TUSC3: variants seen among roughly 807,000 people sequenced by gnomAD.
TUSC3 encodes tumor suppressor candidate 3, also known as dolichyl-diphosphooligosaccharide--protein glycosyltransferase subunit TUSC3.
In TUSC3, 45 loss-of-function variants were observed where a neutral mutation model predicts 44.8. The observed-to-expected ratio is 1.00, with a 90% CI of 0.79 to 1.29. The LOEUF (loss-of-function observed/expected upper bound fraction) is 1.29. TUSC3 is among the 50% of genes most tolerant of loss of function. The pLI is 0.00. For missense variants in TUSC3, 519 were observed against 437.9 expected (o/e 1.19, Z -1.65); for synonymous variants, 212 against 152.9 (o/e 1.39, Z -2.85).
At chr8:15,813,328 C>T in the TUSC3 span, among the ~76,000 whole-genome samples, 1 of 151,556 alleles carries the variant, frequency 6.6e-6, no homozygotes, top group African/African-American at 2.4e-5. Context: ...CTCAAGGCAG[C>T]TGAGTCCTCT....
chr8:15,486,473 C>G (rs1031166540), intron 2 of TUSC3, among the ~76,000 whole-genome samples: 4 of 152,086 alleles, frequency 2.6e-5, no homozygotes, highest in African/African-American at 9.7e-5. Context: ...TCCATGGAGT[C>G]TTGCCCTTTT....
At chr8:15,736,135 G>A (rs1810928924) in intron 7 of TUSC3, among the ~76,000 whole-genome samples, 1 of 152,104 alleles carries the variant, frequency 6.6e-6, no homozygotes, top group African/African-American at 2.4e-5. Flanking sequence ...ACACATACAC[G>A]CAGGTGCATG....
At chr8:15,767,104 C>G (rs1812353919), downstream of TUSC3, among the ~76,000 whole-genome samples, 1 of 152,074 alleles carries the variant, frequency 6.6e-6, no homozygotes, top group Admixed American at 6.6e-5. Context: ...AAAGGATGAG[C>G]ATTGTAGCTA....
At chr8:15,796,191 T>C in the TUSC3 span, among the ~76,000 whole-genome samples, 1 of 152,158 alleles carries the variant, frequency 6.6e-6, no homozygotes, top group Non-Finnish European at 1.5e-5. Context: ...CAATGATGGA[T>C]TCAGGCAGCC....
intron 1 of TUSC3, among the ~76,000 whole-genome samples, chr8:15,470,373 G>A (rs559942887): frequency 9.1e-4 from 139 of 152,162 alleles, no homozygotes; most frequent in African/African-American, 3.2e-3. Context: ...AATAGTGGAT[G>A]CCTTCCTTAT....
chr8:15,708,193 A>C (rs1809699543), intron 6 of TUSC3, among the ~76,000 whole-genome samples: 1 of 151,962 alleles, frequency 6.6e-6, no homozygotes, highest in Admixed American at 6.6e-5. Flanking sequence ...AGTAAAGAAA[A>C]TACCCAAAGG....
chr8:15,783,417 G>C, the TUSC3 span, among the ~76,000 whole-genome samples: 1 of 152,068 alleles, frequency 6.6e-6, no homozygotes, highest in Admixed American at 6.6e-5. Flanking sequence ...AATAGCTGAA[G>C]CAATCATGAG....
the TUSC3 span, among the ~76,000 whole-genome samples, chr8:15,801,692 G>C: frequency 1.3e-5 from 2 of 152,138 alleles, no homozygotes; most frequent in Non-Finnish European, 2.9e-5. Flanking sequence ...GAGCTGTATG[G>C]GGCTGGGTGT....
chr8:15,769,182 C>A (rs370017979), downstream of TUSC3, among the ~76,000 whole-genome samples: 1 of 152,104 alleles, frequency 6.6e-6, no homozygotes, highest in African/African-American at 2.4e-5. Context: ...AACTATACTA[C>A]AAAGCTACAG....
At chr8:15,461,158 G>C (rs1291845272) in intron 1 of TUSC3, among the ~76,000 whole-genome samples, 1 of 152,162 alleles carries the variant, frequency 6.6e-6, no homozygotes, top group African/African-American at 2.4e-5. Context: ...ACCCATCCGT[G>C]AGCATGGGAT....
the TUSC3 span, among the ~76,000 whole-genome samples, chr8:15,815,873 T>G: frequency 6.6e-6 from 1 of 152,142 alleles, no homozygotes; most frequent in Non-Finnish European, 1.5e-5. Context: ...CAGGGAAAAT[T>G]CCAGAATAAA....
chr8:15,624,108 G>A lies in TUSC3; in HGVS notation c.308+859G>A, dbSNP rs1317053502. On this transcript the variant is annotated intron_variant, in intron 2 of 10. Coordinates refer to ENST00000503731, the MANE Select transcript of TUSC3 (RefSeq NM_006765.4). ...TGGGTTTGGCTTTTAAAAATCAGCC[G>A]TAATTCCCTAAAAAAATACGTCCAA... 3.3e-5 allele frequency among the ~76,000 whole-genome samples: 5 copies of A among 152,014 alleles called. No individual in the cohort carries two copies. In the South Asian group the frequency reaches 6.2e-4, roughly 19 times the overall value.
intron 1 of TUSC3, among the ~76,000 whole-genome samples, chr8:15,608,610 T>TG (rs1042023129): frequency 7.9e-5 from 12 of 152,168 alleles, no homozygotes; most frequent in African/African-American, 2.7e-4. Context: ...GATTGGATTA[T>TG]GGGGGTGGTT....
intron 1 of TUSC3, among the ~76,000 whole-genome samples, chr8:15,430,575 G>A (rs973537149): frequency 6.6e-6 from 1 of 151,342 alleles, no homozygotes; most frequent in Non-Finnish European, 1.5e-5. Context: ...GCACAAGACA[G>A]GGATGCCCTC....
Position 15,662,230 on chromosome 8 carries a change from G to T in TUSC3, c.642G>T (p.Leu214Phe), listed in dbSNP as rs774722828. Reference sequence around the variant, plus strand: ...TGTTAGTGTCGCTTGTTGGAGGTTTGCTTTATTTGAGAAGGAACAACTTGG... The same window carrying T: ...TGTTAGTGTCGCTTGTTGGAGGTTTTCTTTATTTGAGAAGGAACAACTTGG... ...LALLVSLVGG[L>F]LYLRRNNLEF... Residue 214 changes from leucine (L) to phenylalanine (F), a missense_variant, in exon 5 of 11, where the codon TTG becomes TTT. Coordinates refer to ENST00000503731, the MANE Select transcript of TUSC3 (RefSeq NM_006765.4). 1.2e-6 allele frequency: 2 copies of T among 1,613,010 alleles called. No individual in the cohort carries two copies. The highest frequency in any genetic ancestry group is 3.3e-5 in the Admixed American group (2 of 59,916).
intron 1 of TUSC3, among the ~76,000 whole-genome samples, chr8:15,443,830 G>C (rs939382376): frequency 6.6e-6 from 1 of 152,122 alleles, no homozygotes; most frequent in Non-Finnish European, 1.5e-5. Context: ...TGCAGTTGAT[G>C]GATTAGCTGG....
chr8:15,426,171 A>C (rs533903658), intron 1 of TUSC3, among the ~76,000 whole-genome samples: 1 of 152,364 alleles, frequency 6.6e-6, no homozygotes, highest in East Asian at 1.9e-4. Flanking sequence ...TTATCCCATC[A>C]TCACAATCAA....
At chr8:15,704,933 A>G (rs890186524) in intron 6 of TUSC3, among the ~76,000 whole-genome samples, 1 of 131,128 alleles carries the variant, frequency 7.6e-6, no homozygotes, top group African/African-American at 2.9e-5. Flanking sequence ...TTCTTTGTTA[A>G]TCCTGTATTC....
At chr8:15,779,777 G>C in the TUSC3 span, among the ~76,000 whole-genome samples, 1 of 152,118 alleles carries the variant, frequency 6.6e-6, no homozygotes, top group Admixed American at 6.5e-5. Flanking sequence ...TGTAAATCCA[G>C]ATTCCTAGAG....
Sources: gnomAD v4.1 joint callset for allele counts (sites outside exome capture counted in the v4.1 genomes callset) on GRCh38, gnomAD v4.1.1 for gene constraint, MANE v1.5 for transcripts, NCBI Gene and HGNC (gene_info 2026-07-23, HGNC 2026-07-21) for gene names.